The following ZRANB3 variants were observed in gnomAD, a reference collection of about 807,000 sequenced individuals.
ZRANB3 encodes the protein zinc finger RANBP2-type containing 3.
A neutral mutation model predicts 133.8 loss-of-function variants in ZRANB3; 125 were observed. The ratio of observed to expected loss-of-function variants is 0.93; its 90% confidence interval spans 0.81 to 1.08. ZRANB3 has a LOEUF of 1.08. Ranked by LOEUF, ZRANB3 falls within the 50% of genes least tolerant of loss-of-function variation. ZRANB3 has a pLI of 0.00. For synonymous variants in ZRANB3, 387 were observed against 432.7 expected (o/e 0.89, Z 1.31); for missense variants, 1,229 against 1,275.5 (o/e 0.96, Z 0.56).
intron 1 of ZRANB3, among the ~76,000 whole-genome samples, chr2:135,518,747 G>T (rs1428031038): frequency 6.6e-6 from 1 of 152,186 alleles, no homozygotes; most frequent in Non-Finnish European, 1.5e-5. Context: ...TAGTTATGGA[G>T]CTGGGTCACA....
intron 1 of ZRANB3, among the ~76,000 whole-genome samples, chr2:135,512,153 A>C (rs2104831770): frequency 6.6e-6 from 1 of 152,290 alleles, no homozygotes; most frequent in African/African-American, 2.4e-5. Flanking sequence ...TGAAAGCAAA[A>C]TCTAGTAGAA....
At chr2:135,420,091 T>TTATATATATATA (rs201217358) in intron 2 of ZRANB3, among the ~76,000 whole-genome samples, 1,316 of 72,160 alleles carry the variant, frequency 0.018, 23 homozygotes, top group Middle Eastern at 0.046. Context: ...TATCTTAGAT[T>TTATATATATATA]TATATATATA....
At chr2:135,528,321 T>A (rs1422123025) in intron 1 of ZRANB3, among the ~76,000 whole-genome samples, 1 of 152,074 alleles carries the variant, frequency 6.6e-6, no homozygotes, top group African/African-American at 2.4e-5. Flanking sequence ...CTAATTTTTT[T>A]ATTTTTTGTA....
intron 1 of ZRANB3, among the ~76,000 whole-genome samples, chr2:135,521,098 T>A (rs1693920358): frequency 6.6e-6 from 1 of 152,206 alleles, no homozygotes; most frequent in African/African-American, 2.4e-5. Flanking sequence ...CAAGAAAATT[T>A]AAAAGTTCAG....
intron 2 of ZRANB3, among the ~76,000 whole-genome samples, chr2:135,448,930 A>G (rs1001070457): frequency 1.3e-5 from 2 of 152,206 alleles, no homozygotes; most frequent in African/African-American, 2.4e-5. Flanking sequence ...CCCTCATCCT[A>G]CTAAGAGAGG....
chr2:135,514,104 G>C (rs1468512340), intron 1 of ZRANB3, among the ~76,000 whole-genome samples: 2 of 152,246 alleles, frequency 1.3e-5, no homozygotes, highest in East Asian at 3.9e-4. Flanking sequence ...TTTTTGCCTA[G>C]GATTGTTTTG....
At chr2:135,368,477 G>C (rs1686031822) in intron 3 of ZRANB3, among the ~76,000 whole-genome samples, 1 of 151,936 alleles carries the variant, frequency 6.6e-6, no homozygotes, top group East Asian at 1.9e-4. Flanking sequence ...TTAACATCAT[G>C]TCATAAACTA....
chr2:135,514,950 A>G (rs532274119), intron 1 of ZRANB3, among the ~76,000 whole-genome samples: 74 of 152,040 alleles, frequency 4.9e-4, no homozygotes, highest in African/African-American at 1.8e-3. Context: ...ACTGATTTGC[A>G]TATGTTGAAC....
chr2:135,350,820 G>C (rs1685172023), intron 4 of ZRANB3, among the ~76,000 whole-genome samples: 1 of 152,194 alleles, frequency 6.6e-6, no homozygotes. Context: ...AGTGTGGTTA[G>C]AAGAAGCGGG....
At chr2:135,519,026 AT>A (rs1693812636) in intron 1 of ZRANB3, among the ~76,000 whole-genome samples, 1 of 152,154 alleles carries the variant, frequency 6.6e-6, no homozygotes, top group African/African-American at 2.4e-5. Flanking sequence ...CCCATTTATT[AT>A]TTTTAATTCC....
chr2:135,240,740 G>C (rs1035326869), intron 12 of ZRANB3, among the ~76,000 whole-genome samples: 34 of 152,082 alleles, frequency 2.2e-4, no homozygotes, highest in Non-Finnish European at 4.6e-4. Flanking sequence ...CACCATGCCT[G>C]GCTAATTTTT....
At chr2:135,345,969 T>G (rs1413200626) in intron 5 of ZRANB3, among the ~76,000 whole-genome samples, 1 of 152,202 alleles carries the variant, frequency 6.6e-6, no homozygotes, top group African/African-American at 2.4e-5. Flanking sequence ...TAAAACCTTA[T>G]ATAGACAATA....
intron 6 of ZRANB3, among the ~76,000 whole-genome samples, chr2:135,329,769 C>T (rs1684041114): frequency 6.6e-6 from 1 of 152,114 alleles, no homozygotes; most frequent in Non-Finnish European, 1.5e-5. Flanking sequence ...TGAAGAGGTC[C>T]TTCACATCCT....
At chr2:135,457,433 G>T (rs1218130117) in intron 2 of ZRANB3, among the ~76,000 whole-genome samples, 1 of 152,094 alleles carries the variant, frequency 6.6e-6, no homozygotes, top group Non-Finnish European at 1.5e-5. Context: ...AGTGCATGAG[G>T]ATTTCAATTA....
At chr2:135,265,941 G>A (rs970638827) in intron 11 of ZRANB3, among the ~76,000 whole-genome samples, 2 of 152,200 alleles carry the variant, frequency 1.3e-5, no homozygotes, top group African/African-American at 4.8e-5. Context: ...CAGGTGCAGT[G>A]GCTCATGCCT....
intron 3 of ZRANB3, among the ~76,000 whole-genome samples, chr2:135,369,417 C>A (rs946818213): frequency 6.6e-6 from 1 of 151,960 alleles, no homozygotes; most frequent in Non-Finnish European, 1.5e-5. Context: ...AAGATTAGAA[C>A]CTGCAGAAAA....
At chr2:135,466,924 G>A (rs1476700719) in intron 2 of ZRANB3, among the ~76,000 whole-genome samples, 1 of 152,116 alleles carries the variant, frequency 6.6e-6, no homozygotes, top group Non-Finnish European at 1.5e-5. Context: ...CTCCCATAGT[G>A]CTGGGATTAC....
chr2:135,244,530 C>T (rs965328522), intron 12 of ZRANB3, among the ~76,000 whole-genome samples: 5 of 152,072 alleles, frequency 3.3e-5, no homozygotes, highest in Non-Finnish European at 5.9e-5. Context: ...ATCACTTGAA[C>T]CCAGGAAGTG....
chr2:135,518,812 A>C (rs1693803119), intron 1 of ZRANB3, among the ~76,000 whole-genome samples: 1 of 152,026 alleles, frequency 6.6e-6, no homozygotes, highest in African/African-American at 2.4e-5. Context: ...CTGCTATTCT[A>C]TACGCTTCCC....
Sources: allele counts gnomAD v4.1 joint callset (sites outside exome capture counted in the v4.1 genomes callset), GRCh38; gene constraint gnomAD v4.1.1; transcripts MANE v1.5; gene names NCBI Gene and HGNC (gene_info 2026-07-23, HGNC 2026-07-21).